Variants in SLC35C1 observed in about 807,000 individuals in gnomAD.
SLC35C1 encodes the protein GDP-fucose transporter 1.
Under a neutral mutation model 23.2 loss-of-function variants are expected in SLC35C1, and 8 were observed. The ratio of observed to expected loss-of-function variants is 0.35; its 90% CI spans 0.20 to 0.62. The LOEUF is 0.62. Among genes scored for constraint, SLC35C1 ranks in the 20% least tolerant of loss-of-function variants. The probability of loss-of-function intolerance (pLI) is 0.75; values close to 1 mark genes in which losing one functional copy is unlikely to be tolerated. For synonymous variants in SLC35C1, 226 were observed against 225.1 expected (o/e 1.00, Z -0.04); for missense variants, 422 against 478.6 (o/e 0.88, Z 1.10).
Position 45,810,984 on chromosome 11 carries a change from G to A in SLC35C1, c.744G>A (p.Leu248=). ...ACILFLPLLL[L]LGELQALRDF... is the part of the protein sequence containing the mutation. Reference sequence around the variant, plus strand: ...TCCTCTTCCTGCCCCTGCTCCTGCTGCTCGGGGAGCTTCAGGCCCTGCGTG... The same window carrying A: ...TCCTCTTCCTGCCCCTGCTCCTGCTACTCGGGGAGCTTCAGGCCCTGCGTG... The change falls in exon 2 of 2, where the codon CTG becomes CTA. Residue 248 remains leucine (L), a synonymous_variant. Transcript: ENST00000314134. 1 of 1,612,832 alleles carries A rather than the reference G, an allele frequency of 6.2e-7. No homozygotes were observed. Among genetic ancestry groups the A allele is most frequent in the East Asian group, 2.2e-5 (1 of 44,884 alleles).
chr11:45,810,601 G>A (rs1165125528), intron 1 of SLC35C1, 175 bp from the exon 2 acceptor site: 77 of 985,340 alleles, frequency 7.8e-5, no homozygotes, highest in Non-Finnish European at 9.0e-5. Context: ...TTCATGTGGA[G>A]TGCTTTGCCT....
At position 45,812,564 on chromosome 11, in the gene SLC35C1, C is replaced by T. The variant is rs938496129; in HGVS notation, c.*1229C>T. ...TCCCGATCCATAGATGGTGCCTTCT[C>T]GCTGTATCCTCAATGGTAGAAGCAC... On this transcript the variant is annotated 3_prime_UTR_variant, in exon 2 of 2. Coordinates refer to ENST00000314134, the MANE Select transcript of SLC35C1 (RefSeq NM_018389.5). The T allele has an allele frequency of 3.5e-5, 16 of 455,936 alleles. No homozygotes were observed. The highest frequency in any genetic ancestry group is 6.2e-5 in the Non-Finnish European group (14 of 226,794). 28.2% of individuals were successfully genotyped at this position (455,936 alleles called of 1,614,324 possible). A position where few individuals can be genotyped will look rare whatever the true frequency, so the allele number is the denominator to read the frequency against.
chr11:45,805,669 G>C lies in SLC35C1; in HGVS notation c.-133G>C. 6.4e-7 allele frequency: 1 copy of C among 1,553,236 alleles called. No individual in the cohort carries two copies. Among genetic ancestry groups the C allele is most frequent in the Non-Finnish European group, 8.7e-7 (1 of 1,154,894 alleles). On this transcript the variant is annotated 5_prime_UTR_variant, in exon 1 of 2. Coordinates refer to ENST00000314134, the MANE Select transcript of SLC35C1 (RefSeq NM_018389.5). Reference sequence around the variant, plus strand: ...CTTCTCAATCCATGAGGACAATGGGGAGGCCTTTAGGCCAGCCCACATGTG... The same window carrying C: ...CTTCTCAATCCATGAGGACAATGGGCAGGCCTTTAGGCCAGCCCACATGTG...
At chr11:45,809,232 AC>A (rs1387657456) in intron 1 of SLC35C1, among the ~76,000 whole-genome samples, 3 of 152,190 alleles carry the variant, frequency 2.0e-5, no homozygotes, top group Non-Finnish European at 4.4e-5. Flanking sequence ...GGTGACAGTT[AC>A]GCTAGCATAG....
Position 45,805,483 on chromosome 11 carries a change from T to A in SLC35C1, c.-319T>A. On this transcript the variant is annotated 5_prime_UTR_variant, in exon 1 of 2. Coordinates refer to ENST00000314134, the MANE Select transcript of SLC35C1 (RefSeq NM_018389.5). ...TCCCCTCCCTTCTCTCTGCGACCCCTCCCTGTTAGGCCCCAGCCTCTTCTC... is the reference window on the plus strand; with the variant it reads ...TCCCCTCCCTTCTCTCTGCGACCCCACCCTGTTAGGCCCCAGCCTCTTCTC... The A allele has an allele frequency of 8.1e-6, 10 of 1,231,720 alleles. No individual in the cohort carries two copies. The highest frequency in any genetic ancestry group is 7.2e-6 in the Non-Finnish European group (7 of 974,218). The allele number at this position is 1,231,720 out of a possible 1,614,324, so 76.3% of individuals were successfully genotyped here. A position where few individuals can be genotyped will look rare whatever the true frequency, so the allele number is the denominator to read the frequency against.
intron 1 of SLC35C1, chr11:45,809,797 C>A (rs757502469): frequency 2.0e-6 from 2 of 985,422 alleles, no homozygotes; most frequent in Non-Finnish European, 2.4e-6. Flanking sequence ...GTATAACATG[C>A]ATTGTTCAGC....
chr11:45,805,606 T>C lies in SLC35C1; in HGVS notation c.-196T>C. The C allele has an allele frequency of 6.8e-7, 1 of 1,471,816 alleles. No individual in the cohort carries two copies. The highest frequency in any genetic ancestry group is 1.3e-5 in the South Asian group (1 of 74,194). 91.2% of individuals were successfully genotyped at this position (1,471,816 alleles called of 1,614,324 possible). A position where few individuals can be genotyped will look rare whatever the true frequency, so the allele number is the denominator to read the frequency against. ...AGAGCCCCCTCGGGGTGGGAGTAGG[T>C]TGTGGAGCAGCACAACTGGGCTCAC... On this transcript the variant is annotated 5_prime_UTR_variant, in exon 1 of 2. Coordinates refer to ENST00000314134, the MANE Select transcript of SLC35C1 (RefSeq NM_018389.5).
upstream of SLC35C1, chr11:45,804,652 G>T (rs565528235): frequency 7.0e-4 from 686 of 985,918 alleles, 5 homozygotes; most frequent in African/African-American, 0.011. Context: ...GCTGCCGGGG[G>T]TCTCGGGCTT....
At chr11:45,805,016 G>T, upstream of SLC35C1, 3 of 985,746 alleles carry the variant, frequency 3.0e-6, no homozygotes, top group Non-Finnish European at 3.6e-6. Flanking sequence ...GCGCAGGGGC[G>T]GGGCTGGGGA....
At chr11:45,807,725 G>C (rs1287699609) in intron 1 of SLC35C1, among the ~76,000 whole-genome samples, 1 of 152,188 alleles carries the variant, frequency 6.6e-6, no homozygotes. Context: ...CTAAGTCCAA[G>C]AGGGGAGAAG....
chr11:45,805,804 G>GA lies in SLC35C1; in HGVS notation c.5dup (p.Asn2LysfsTer2). 6.2e-7 allele frequency: 1 copy of GA among 1,613,352 alleles called. No individual in the cohort carries two copies. The highest frequency in any genetic ancestry group is 2.2e-5 in the East Asian group (1 of 44,870). ...GGTGACCCAGCTCCTCTGCTACCAT[G>GA]AATAGGGCCCCTCTGAAGCGGTCCA... is the stretch of plus-strand genomic sequence containing the variant. On this transcript the variant is annotated frameshift_variant, in exon 1 of 2. Coordinates refer to ENST00000314134, the MANE Select transcript of SLC35C1 (RefSeq NM_018389.5). LOFTEE classifies it high-confidence loss of function.
At chr11:45,809,813 G>A in intron 1 of SLC35C1, 1 of 985,444 alleles carries the variant, frequency 1.0e-6, no homozygotes, top group African/African-American at 1.7e-5. Flanking sequence ...TCAGCCCCTG[G>A]CTTCTGGGAG....
At chr11:45,804,603 A>AGAGGCGAGCAC, upstream of SLC35C1, 1 of 985,780 alleles carries the variant, frequency 1.0e-6, no homozygotes, top group Non-Finnish European at 1.2e-6. Context: ...GACAAACTGA[A>AGAGGCGAGCAC]GTCCGAGAGA....
chr11:45,806,388 A>T, intron 1 of SLC35C1, 52 bp downstream of exon 1: 1 of 1,596,108 alleles, frequency 6.3e-7, no homozygotes, highest in Non-Finnish European at 8.5e-7. Flanking sequence ...GGACTGAAGC[A>T]GTGAAGAACA....
chr11:45,806,457 G>A, intron 1 of SLC35C1, 121 bp downstream of exon 1: 1 of 1,342,070 alleles, frequency 7.5e-7, no homozygotes. Flanking sequence ...AGCAGTCATA[G>A]GAGAAAGAGC....
Position 45,805,752 on chromosome 11 carries a change from T to A in SLC35C1, c.-50T>A. The A allele has an allele frequency of 6.2e-7, 1 of 1,605,952 alleles. No individual in the cohort carries two copies. Among genetic ancestry groups the A allele is most frequent in the Non-Finnish European group, 8.5e-7 (1 of 1,179,826 alleles). On this transcript the variant is annotated 5_prime_UTR_variant, in exon 1 of 2. Transcript: ENST00000314134. ...CACAAGTGAGCTCACTGCCCTGGACTCCAGGGAATCAGAGTTCTGGCCGCG... is the reference window on the plus strand; with the variant it reads ...CACAAGTGAGCTCACTGCCCTGGACACCAGGGAATCAGAGTTCTGGCCGCG...
At chr11:45,809,877 C>G (rs889426857) in intron 1 of SLC35C1, 2 of 985,290 alleles carry the variant, frequency 2.0e-6, no homozygotes, top group Admixed American at 6.1e-5. Context: ...GGCCCAGCAG[C>G]CCAGAGCAGG....
At position 45,811,507 on chromosome 11, in the gene SLC35C1, A is replaced by C; in HGVS notation, c.*172A>C. On this transcript the variant is annotated 3_prime_UTR_variant, in exon 2 of 2. Coordinates refer to ENST00000314134, the MANE Select transcript of SLC35C1 (RefSeq NM_018389.5). ...GAGAAGGAACCAGTGTTTACAAGTA[A>C]TATCAGAAAGTTGAAGGAACCAGTG... 1.9e-6 allele frequency: 1 copy of C among 527,880 alleles called. No individual in the cohort carries two copies. Among genetic ancestry groups the C allele is most frequent in the Non-Finnish European group, 3.2e-6 (1 of 309,476 alleles). 32.7% of individuals were successfully genotyped at this position (527,880 alleles called of 1,614,324 possible).
intron 1 of SLC35C1, 70 bp from the exon 2 acceptor site, chr11:45,810,706 T>C: frequency 6.4e-7 from 1 of 1,553,210 alleles, no homozygotes; most frequent in Non-Finnish European, 8.7e-7. Context: ...TGTCTGATCC[T>C]CTGTCCTTCT....
Sources: gnomAD v4.1 joint callset for allele counts (sites outside exome capture counted in the v4.1 genomes callset) on GRCh38, gnomAD v4.1.1 for gene constraint, MANE v1.5 for transcripts, NCBI Gene and HGNC (gene_info 2026-07-23, HGNC 2026-07-21) for gene names.